Variants in NKAIN3 observed in about 807,000 individuals in gnomAD.
The protein encoded by NKAIN3 is sodium/potassium transporting ATPase interacting 3.
NKAIN3 carries 25 observed loss-of-function variants against 30.2 expected under a neutral mutation model. The ratio of observed to expected loss-of-function variants is 0.83; its 90% CI spans 0.60 to 1.16. The LOEUF (loss-of-function observed/expected upper bound fraction) is 1.16, where lower values mean the gene tolerates loss of function less well. Among genes scored for constraint, NKAIN3 ranks in the 50% most tolerant of loss-of-function variants. The pLI, the probability that NKAIN3 is intolerant of heterozygous loss-of-function variation, is 0.00. For missense variants in NKAIN3, 225 were observed against 254.1 expected, an observed-to-expected ratio of 0.89 and a Z score of 0.78; for synonymous variants, 91 against 89.6, an observed-to-expected ratio of 1.02 and a Z score of -0.09.
chr8:62,297,449 C>A (rs1474486961), intron 1 of NKAIN3, among the ~76,000 whole-genome samples: 1 of 152,028 alleles, frequency 6.6e-6, no homozygotes, highest in Admixed American at 6.6e-5. Flanking sequence ...TATTCAGAAT[C>A]TACAATGAAC....
rs577947963 is a variant in NKAIN3 at position 62,936,506 on chromosome 8, A to G, written c.533-17396A>G. Among the ~76,000 whole-genome samples the G allele has an allele frequency of 8.5e-5, 13 of 152,208 alleles. No homozygotes were observed. The East Asian group carries it at 2.3e-3, about 27-fold the overall frequency. ...AACCAACCCTAACTCAGAACCATATACAGAAGGAAATTCCAGGACACATAA... is the reference window on the plus strand; with the variant it reads ...AACCAACCCTAACTCAGAACCATATGCAGAAGGAAATTCCAGGACACATAA... On this transcript the variant is annotated intron_variant, in intron 5 of 6. Transcript: ENST00000623646.
intron 4 of NKAIN3, among the ~76,000 whole-genome samples, chr8:62,756,206 C>T (rs1270545456): frequency 1.3e-5 from 2 of 152,118 alleles, no homozygotes; most frequent in African/African-American, 2.4e-5. Context: ...TATTTATCAC[C>T]TTGGAAAGAA....
At chr8:62,398,811 G>T (rs1817844681) in intron 1 of NKAIN3, among the ~76,000 whole-genome samples, 1 of 152,196 alleles carries the variant, frequency 6.6e-6, no homozygotes, top group African/African-American at 2.4e-5. Context: ...GAAATTATAG[G>T]CCGGGAGCAT....
At chr8:62,846,284 A>T (rs1015918997) in intron 4 of NKAIN3, among the ~76,000 whole-genome samples, 2 of 152,176 alleles carry the variant, frequency 1.3e-5, no homozygotes, top group African/African-American at 4.8e-5. Context: ...TCCCTTTTAA[A>T]TAACAGAATC....
intron 1 of NKAIN3, among the ~76,000 whole-genome samples, chr8:62,303,070 G>A (rs931004609): frequency 6.7e-6 from 1 of 150,224 alleles, no homozygotes; most frequent in African/African-American, 2.5e-5. Flanking sequence ...TGGACCCTGG[G>A]ATAACGAAAA....
At chr8:62,836,911 T>G (rs1819383638) in intron 4 of NKAIN3, among the ~76,000 whole-genome samples, 1 of 152,058 alleles carries the variant, frequency 6.6e-6, no homozygotes, top group Admixed American at 6.6e-5. Flanking sequence ...CCTAAACCTT[T>G]TATTAAACAA....
intron 1 of NKAIN3, among the ~76,000 whole-genome samples, chr8:62,509,383 C>T (rs554826371): frequency 1.3e-5 from 2 of 152,252 alleles, no homozygotes; most frequent in East Asian, 3.9e-4. Context: ...ATATGCAGCC[C>T]TAGTTCTTTT....
intron 1 of NKAIN3, among the ~76,000 whole-genome samples, chr8:62,416,702 A>G (rs116958098): frequency 2.4e-3 from 366 of 152,298 alleles, no homozygotes; most frequent in Middle Eastern, 6.8e-3. Context: ...ATGTAAAATT[A>G]AATTATTATT....
intron 3 of NKAIN3, among the ~76,000 whole-genome samples, chr8:62,687,415 C>T (rs182001829): frequency 3.9e-5 from 6 of 152,268 alleles, no homozygotes; most frequent in African/African-American, 1.4e-4. Flanking sequence ...CCTGAGGAGC[C>T]AAGTTGCCTG....
At chr8:62,726,981 A>G (rs1218229494) in intron 3 of NKAIN3, among the ~76,000 whole-genome samples, 2 of 152,090 alleles carry the variant, frequency 1.3e-5, no homozygotes, top group East Asian at 1.9e-4. Flanking sequence ...GGATCCAACA[A>G]TGTGCAAAAA....
At chr8:62,317,927 T>C (rs1157831946) in intron 1 of NKAIN3, among the ~76,000 whole-genome samples, 1 of 152,178 alleles carries the variant, frequency 6.6e-6, no homozygotes, top group Non-Finnish European at 1.5e-5. Flanking sequence ...TATTCTTCCA[T>C]TTGTTTGTAT....
chr8:62,383,301 A>G (rs1248483824), intron 1 of NKAIN3, among the ~76,000 whole-genome samples: 1 of 152,120 alleles, frequency 6.6e-6, no homozygotes, highest in African/African-American at 2.4e-5. Flanking sequence ...GCTGGTGTTT[A>G]TCTTTTCCCT....
At chr8:62,445,682 T>G (rs911592393) in intron 1 of NKAIN3, among the ~76,000 whole-genome samples, 1 of 152,170 alleles carries the variant, frequency 6.6e-6, no homozygotes, top group African/African-American at 2.4e-5. Flanking sequence ...CATTCTGTAT[T>G]GGTCCTCTCT....
intron 5 of NKAIN3, among the ~76,000 whole-genome samples, chr8:62,926,520 A>T (rs1391924928): frequency 1.3e-5 from 2 of 150,662 alleles, no homozygotes; most frequent in Non-Finnish European, 2.9e-5. Flanking sequence ...CTCATTCTTC[A>T]TCACTGCTTT....
At chr8:62,299,173 A>T (rs528716685) in intron 1 of NKAIN3, among the ~76,000 whole-genome samples, 5 of 152,250 alleles carry the variant, frequency 3.3e-5, no homozygotes, top group Non-Finnish European at 7.4e-5. Flanking sequence ...AGAAAAAAAA[A>T]TTTGTTGTTC....
intron 4 of NKAIN3, among the ~76,000 whole-genome samples, chr8:62,809,852 A>C (rs968335888): frequency 6.6e-6 from 1 of 152,326 alleles, no homozygotes; most frequent in South Asian, 2.1e-4. Context: ...GAGGTAACCT[A>C]GGTCTTCTAA....
At chr8:62,426,738 T>A (rs1804819922) in intron 1 of NKAIN3, among the ~76,000 whole-genome samples, 1 of 152,004 alleles carries the variant, frequency 6.6e-6, no homozygotes, top group Admixed American at 6.6e-5. Context: ...AGACATTGCA[T>A]AGGAGCAATG....
intron 4 of NKAIN3, among the ~76,000 whole-genome samples, chr8:62,876,414 A>G (rs928276225): frequency 2.6e-5 from 4 of 152,200 alleles, no homozygotes; most frequent in African/African-American, 9.7e-5. Flanking sequence ...GTGATTCCTC[A>G]ATGATCTAGA....
At chr8:62,764,929 G>C (rs1816783853) in intron 4 of NKAIN3, among the ~76,000 whole-genome samples, 1 of 152,146 alleles carries the variant, frequency 6.6e-6, no homozygotes, top group Non-Finnish European at 1.5e-5. Context: ...AGATTATTCT[G>C]TGCTTACATG....
Sources: gnomAD v4.1 joint callset for allele counts (sites outside exome capture counted in the v4.1 genomes callset) on GRCh38, gnomAD v4.1.1 for gene constraint, MANE v1.5 for transcripts, NCBI Gene and HGNC (gene_info 2026-07-23, HGNC 2026-07-21) for gene names.